TESMIN: variants seen among roughly 807,000 people sequenced by gnomAD.
The protein encoded by TESMIN is testis expressed metallothionein like protein, also known as CXC domain containing 2.
TESMIN carries 34 observed loss-of-function variants against 47.4 expected under a neutral mutation model. That is an observed-to-expected ratio of 0.72 (90% CI 0.55 to 0.96). The LOEUF is 0.96. TESMIN is among the 40% of genes least tolerant of loss of function. The pLI is 0.00. For missense variants in TESMIN, 610 were observed against 637.2 expected, an observed-to-expected ratio of 0.96 and a Z score of 0.46; for synonymous variants, 278 against 258.9, an observed-to-expected ratio of 1.07 and a Z score of -0.71.
chr11:68,739,573 G>GA (rs1033792135), intron 5 of TESMIN, among the ~76,000 whole-genome samples: 10 of 151,962 alleles, frequency 6.6e-5, no homozygotes, highest in Non-Finnish European at 1.0e-4. Context: ...TATAGTCTTA[G>GA]AAAAAAAATG....
intron 6 of TESMIN, among the ~76,000 whole-genome samples, chr11:68,727,274 T>C (rs1946275921): frequency 6.6e-6 from 1 of 152,122 alleles, no homozygotes; most frequent in Non-Finnish European, 1.5e-5. Flanking sequence ...AAACCCATCC[T>C]ACTAAAAATA....
rs1326857755 is a variant in TESMIN at position 68,750,272 on chromosome 11, G to C, written c.389C>G (p.Pro130Arg). The stretch of plus-strand genomic sequence containing the variant: ...CAACACCGCCGGGCTGCGGTGCGCG[G>C]GTAGCAGCGAGGACAGGAAGTGCAC... ...CNVHFLSSLLPAHRSPAVLPL... is the reference protein window; with the variant it reads ...CNVHFLSSLLRAHRSPAVLPL... The change falls in exon 2 of 10, where the codon CCC becomes CGC. Residue 130 changes from proline (P) to arginine (R), a missense_variant. Pro to Arg is a moderately radical substitution (Grantham distance 103). Transcript: ENST00000255087. 2 of 1,547,900 alleles carry C rather than the reference G, an allele frequency of 1.3e-6. No homozygotes were observed. Among genetic ancestry groups the C allele is most frequent in the South Asian group, 1.2e-5 (1 of 83,158 alleles).
chr11:68,747,228 TAA>T lies in TESMIN; in HGVS notation c.608_609del (p.Leu203GlnfsTer25), dbSNP rs764023893. 1 of 1,614,182 alleles carries T rather than the reference TAA, an allele frequency of 6.2e-7. No individual in the cohort carries two copies. Among genetic ancestry groups the T allele is most frequent in the South Asian group, 1.1e-5 (1 of 91,084 alleles). ...ATTACCATTGGGTTGGAATCTTTCT[TAA>T]GAGAACAGCAGGAGGCATCCTCTAG... ...QELEDASCCS[L>X]KKDSNPMVIC... On this transcript the variant is annotated frameshift_variant, in exon 3 of 10. Coordinates refer to ENST00000255087, the MANE Select transcript of TESMIN (RefSeq NM_004923.3). LOFTEE classifies it high-confidence loss of function.
Position 68,708,146 on chromosome 11 carries a change from G to T in TESMIN, c.*162C>A. On this transcript the variant is annotated 3_prime_UTR_variant, in exon 10 of 10. Coordinates refer to ENST00000255087, the MANE Select transcript of TESMIN (RefSeq NM_004923.3). The stretch of plus-strand genomic sequence containing the variant: ...CACCTCCTCAGAAAAGGGGGCATGG[G>T]TTGCCACATCTTCAGAGAGCTCTGA... 1 of 655,884 alleles carries T rather than the reference G, an allele frequency of 1.5e-6. No individual in the cohort carries two copies. Among genetic ancestry groups the T allele is most frequent in the Non-Finnish European group, 2.6e-6 (1 of 386,070 alleles). 40.6% of individuals were successfully genotyped at this position (655,884 alleles called of 1,614,324 possible).
At chr11:68,725,842 T>C (rs192376697) in intron 6 of TESMIN, among the ~76,000 whole-genome samples, 1 of 152,266 alleles carries the variant, frequency 6.6e-6, no homozygotes, top group East Asian at 1.9e-4. Flanking sequence ...TATAAAACAC[T>C]TAATAACATT....
intron 6 of TESMIN, chr11:68,737,714 C>G (rs887827154): frequency 3.2e-6 from 3 of 950,024 alleles, no homozygotes; most frequent in Non-Finnish European, 3.8e-6. Context: ...TATTTCAAGA[C>G]CAGCCTGGCC....
chr11:68,718,128 T>C (rs372698219), intron 6 of TESMIN, among the ~76,000 whole-genome samples: 134 of 33,262 alleles, frequency 4.0e-3, no homozygotes, highest in African/African-American at 9.3e-3. Flanking sequence ...GACAGCCCAC[T>C]CCTCAGCTAC....
intron 6 of TESMIN, among the ~76,000 whole-genome samples, chr11:68,725,701 C>T (rs923130910): frequency 3.9e-5 from 6 of 152,056 alleles, no homozygotes; most frequent in East Asian, 3.9e-4. Flanking sequence ...TCGAACTCCT[C>T]GGTTCAAACA....
At position 68,707,742 on chromosome 11, in the gene TESMIN, G is replaced by A. The variant is rs773811251; in HGVS notation, c.*566C>T. On this transcript the variant is annotated 3_prime_UTR_variant, in exon 10 of 10. Transcript: ENST00000255087. Reference sequence around the variant, plus strand: ...TCTCCCGGGGGCCTTAGGAAAGACTGACAGTTCGCGTGCCTCTGGGGAAAT... The same window carrying A: ...TCTCCCGGGGGCCTTAGGAAAGACTAACAGTTCGCGTGCCTCTGGGGAAAT... 2.3e-6 allele frequency: 1 copy of A among 443,284 alleles called. No individual in the cohort carries two copies. The highest frequency in any genetic ancestry group is 2.4e-5 in the Admixed American group (1 of 42,098). The allele number at this position is 443,284 out of a possible 1,614,324, so 27.5% of individuals were successfully genotyped here. A position where few individuals can be genotyped will look rare whatever the true frequency, so the allele number is the denominator to read the frequency against.
In TESMIN at chr11:68,710,858, A is replaced by C; in HGVS notation, c.1334+16T>G. 6.3e-7 allele frequency: 1 copy of C among 1,596,248 alleles called. No individual in the cohort carries two copies. Among genetic ancestry groups the C allele is most frequent in the Non-Finnish European group, 8.5e-7 (1 of 1,171,614 alleles). On this transcript the variant is annotated intron_variant, in intron 9 of 9. Transcript: ENST00000255087. ...TCTGTTCCCTCTATTAGCAGAGGTTAGTTCAAAGTACCTACCTATCGTGAC... is the reference window on the plus strand; with the variant it reads ...TCTGTTCCCTCTATTAGCAGAGGTTCGTTCAAAGTACCTACCTATCGTGAC...
Position 68,750,619 on chromosome 11 carries a change from C to A in TESMIN, c.42G>T (p.Glu14Asp). The A allele has an allele frequency of 6.3e-7, 1 of 1,591,280 alleles. No individual in the cohort carries two copies. The highest frequency in any genetic ancestry group is 8.6e-7 in the Non-Finnish European group (1 of 1,168,258). Residue 14 changes from glutamate to aspartate, a missense_variant, in exon 2 of 10, where the codon GAG becomes GAT. Transcript: ENST00000255087. ...GPLPGGLPSP[E>D]DAMVTELLSP... ...TTAAGAGCTCCGTCACCATCGCATCCTCGGGGCTGGGCAGCCCGCCCGGCA... is the reference window on the plus strand; with the variant it reads ...TTAAGAGCTCCGTCACCATCGCATCATCGGGGCTGGGCAGCCCGCCCGGCA...
At chr11:68,730,725 G>A (rs1311606455) in intron 6 of TESMIN, among the ~76,000 whole-genome samples, 1 of 150,712 alleles carries the variant, frequency 6.6e-6, no homozygotes, top group Non-Finnish European at 1.5e-5. Flanking sequence ...AACCTGGGAG[G>A]TGGAGGTTGC....
chr11:68,719,216 G>T (rs1946176595), intron 6 of TESMIN, among the ~76,000 whole-genome samples: 1 of 152,238 alleles, frequency 6.6e-6, no homozygotes, highest in Non-Finnish European at 1.5e-5. Flanking sequence ...GGCATGTTGA[G>T]AAGACCGTTA....
intron 6 of TESMIN, chr11:68,738,383 T>G: frequency 9.1e-7 from 1 of 1,101,090 alleles, no homozygotes; most frequent in Non-Finnish European, 1.1e-6. Context: ...GCCAGTACAG[T>G]TTGAATCAAC....
At chr11:68,741,889 A>G (rs1310290871) in intron 5 of TESMIN, among the ~76,000 whole-genome samples, 1 of 152,248 alleles carries the variant, frequency 6.6e-6, no homozygotes, top group Non-Finnish European at 1.5e-5. Flanking sequence ...AACTCGGGAA[A>G]AAGAGCGTAT....
intron 5 of TESMIN, 36 bp from the exon 6 acceptor site, chr11:68,738,824 G>A: frequency 6.4e-7 from 1 of 1,568,332 alleles, no homozygotes; most frequent in South Asian, 1.1e-5. Flanking sequence ...TTTTGAATTA[G>A]CAAGGATTTT....
Position 68,742,338 on chromosome 11 carries a change from A to G in TESMIN, c.808T>C (p.Leu270=). 6.3e-7 allele frequency: 1 copy of G among 1,599,472 alleles called. No individual in the cohort carries two copies. Among genetic ancestry groups the G allele is most frequent in the Non-Finnish European group, 8.5e-7 (1 of 1,169,874 alleles). The change falls in exon 5 of 10, where the codon TTA becomes CTA. Residue 270 remains leucine (L), a synonymous_variant. Transcript: ENST00000255087. ...VGRFLPASTK[L]NLITQQLEGA... The stretch of plus-strand genomic sequence containing the variant: ...CTCACTTGTTGTGTAATGAGATTTA[A>G]TTTTGTTGATGCTGGCAAAAATCTC...
chr11:68,735,813 T>G (rs906011142), intron 6 of TESMIN, among the ~76,000 whole-genome samples: 2 of 152,146 alleles, frequency 1.3e-5, no homozygotes, highest in African/African-American at 4.8e-5. Flanking sequence ...TTGAAGGAGG[T>G]GGAACTTGAC....
At chr11:68,709,410 A>G (rs1366908087) in intron 9 of TESMIN, among the ~76,000 whole-genome samples, 1 of 152,210 alleles carries the variant, frequency 6.6e-6, no homozygotes, top group East Asian at 1.9e-4. Context: ...TCGCCTGTCA[A>G]ACCTTGGGGT....
Sources: allele counts gnomAD v4.1 joint callset (sites outside exome capture counted in the v4.1 genomes callset), GRCh38; gene constraint gnomAD v4.1.1; transcripts MANE v1.5; gene names NCBI Gene and HGNC (gene_info 2026-07-23, HGNC 2026-07-21).